The following HUNK variants were observed in gnomAD, a reference collection of about 807,000 sequenced individuals.
HUNK encodes the protein hormonally up-regulated Neu-associated kinase.
Under a neutral mutation model 61.0 loss-of-function variants are expected in HUNK, and 21 were observed. The ratio of observed to expected loss-of-function variants is 0.34; its 90% CI spans 0.24 to 0.50. The LOEUF (loss-of-function observed/expected upper bound fraction) is 0.50. Ranked by LOEUF, HUNK falls within the 20% of genes least tolerant of loss-of-function variation. The pLI is 0.98. For synonymous variants in HUNK, 371 were observed against 386.1 expected, an observed-to-expected ratio of 0.96 and a Z score of 0.46; for missense variants, 772 against 945.7, an observed-to-expected ratio of 0.82 and a Z score of 2.41.
chr21:31,982,931 G>A (rs932126213), intron 7 of HUNK, among the ~76,000 whole-genome samples: 1 of 152,162 alleles, frequency 6.6e-6, no homozygotes, highest in Admixed American at 6.5e-5. Context: ...AGCCACCTGA[G>A]TAGCTGGGAC....
intron 1 of HUNK, among the ~76,000 whole-genome samples, chr21:31,896,338 A>T (rs1308255023): frequency 1.3e-5 from 2 of 152,216 alleles, no homozygotes; most frequent in Non-Finnish European, 2.9e-5. Flanking sequence ...TCACGAGACC[A>T]CTTTCTAATG....
At chr21:31,971,997 G>A (rs1457127705) in intron 6 of HUNK, among the ~76,000 whole-genome samples, 1 of 152,008 alleles carries the variant, frequency 6.6e-6, no homozygotes. Context: ...CCAGCTAAGT[G>A]TTTCTATTTT....
At chr21:31,979,871 C>T (rs1210930639) in intron 7 of HUNK, among the ~76,000 whole-genome samples, 3 of 152,100 alleles carry the variant, frequency 2.0e-5, no homozygotes, top group Admixed American at 2.0e-4. Context: ...TATCCCATTC[C>T]ATAGATCTCT....
chr21:32,001,789 C>T lies in HUNK; in HGVS notation c.*2605C>T, dbSNP rs3578. ...CTTTGGTAAGTCCGAAGCATGTTGT[C>T]TGTTCGACCGTGACTGTCTTCCTCA... On this transcript the variant is annotated 3_prime_UTR_variant, in exon 11 of 11. Transcript: ENST00000270112. The T allele has an allele frequency of 0.62, 94,848 of 152,376 alleles. 29,546 individuals are homozygous for T. The highest frequency in any genetic ancestry group is 0.72 in the South Asian group (3,478 of 4,810). 9.4% of individuals were successfully genotyped at this position (152,376 alleles called of 1,614,324 possible).
rs368137809 is a variant in HUNK at position 31,968,397 on chromosome 21, C to T, written c.1010+12C>T. ...ACCTATCCCAACAGGTAATTTCGTG[C>T]ACCCAGAGGAACTCCTCGGGAGAGA... On this transcript the variant is annotated intron_variant, in intron 6 of 10. Transcript: ENST00000270112. The T allele has an allele frequency of 1.9e-6, 3 of 1,613,940 alleles. No homozygotes were observed. The highest frequency in any genetic ancestry group is 2.7e-5 in the African/African-American group (2 of 74,942).
chr21:31,985,323 G>A (rs911514575), intron 8 of HUNK, among the ~76,000 whole-genome samples: 13 of 152,156 alleles, frequency 8.5e-5, no homozygotes, highest in African/African-American at 2.7e-4. Context: ...GGTGCACATC[G>A]CTCTGGAAGA....
chr21:31,973,162 T>A (rs1047189634), intron 6 of HUNK, among the ~76,000 whole-genome samples: 1 of 152,142 alleles, frequency 6.6e-6, no homozygotes, highest in Non-Finnish European at 1.5e-5. Context: ...TTTATTATAC[T>A]TTTTAATTTT....
intron 4 of HUNK, among the ~76,000 whole-genome samples, chr21:31,953,376 A>G (rs1434229014): frequency 2.6e-5 from 4 of 152,008 alleles, no homozygotes; most frequent in Non-Finnish European, 5.9e-5. Flanking sequence ...CTGGGAATAT[A>G]GGCATGCACC....
chr21:31,888,305 G>A (rs1180824396), intron 1 of HUNK, among the ~76,000 whole-genome samples: 1 of 152,174 alleles, frequency 6.6e-6, no homozygotes, highest in Non-Finnish European at 1.5e-5. Context: ...AAAGCCCTGG[G>A]CGTTACTGGG....
chr21:31,875,458 C>CA (rs1158897434), intron 1 of HUNK, among the ~76,000 whole-genome samples: 1 of 151,754 alleles, frequency 6.6e-6, no homozygotes, highest in Non-Finnish European at 1.5e-5. Flanking sequence ...AATTCCCATG[C>CA]AAAAAAGGAG....
rs557796270 is a variant in HUNK at position 31,897,569 on chromosome 21, T to C, written c.261+23634T>C. 7.2e-5 allele frequency among the ~76,000 whole-genome samples: 11 copies of C among 152,324 alleles called. No homozygotes were observed. The South Asian group carries it at 2.1e-3, about 29-fold the overall frequency. On this transcript the variant is annotated intron_variant, in intron 1 of 10. Coordinates refer to ENST00000270112, the MANE Select transcript of HUNK (RefSeq NM_014586.2). ...CCATAATGACCTCATCTTAACTGGATCATCTGCAAAGACTCTATTTCCAAA... is the reference window on the plus strand; with the variant it reads ...CCATAATGACCTCATCTTAACTGGACCATCTGCAAAGACTCTATTTCCAAA...
At chr21:31,970,453 C>T (rs1288658310) in intron 6 of HUNK, among the ~76,000 whole-genome samples, 5 of 152,068 alleles carry the variant, frequency 3.3e-5, no homozygotes, top group Non-Finnish European at 7.3e-5. Context: ...AATAACAGCT[C>T]GATGTGGGCC....
At chr21:31,898,040 A>T (rs1287754576) in intron 1 of HUNK, among the ~76,000 whole-genome samples, 3 of 152,214 alleles carry the variant, frequency 2.0e-5, no homozygotes, top group Admixed American at 1.3e-4. Context: ...TACGACAGTT[A>T]TGCTGACATT....
chr21:31,938,945 G>T (rs67287435), intron 2 of HUNK, among the ~76,000 whole-genome samples: 2 of 152,032 alleles, frequency 1.3e-5, no homozygotes, highest in African/African-American at 4.8e-5. Flanking sequence ...TGATCTCATC[G>T]GTAATCTGGA....
At chr21:31,882,719 A>G (rs868487870) in intron 1 of HUNK, among the ~76,000 whole-genome samples, 12 of 152,160 alleles carry the variant, frequency 7.9e-5, no homozygotes, top group African/African-American at 1.2e-4. Flanking sequence ...TATTGCTACT[A>G]AGTATAGTCA....
chr21:31,884,083 C>A (rs1290566500), intron 1 of HUNK, among the ~76,000 whole-genome samples: 1 of 152,124 alleles, frequency 6.6e-6, no homozygotes, highest in Non-Finnish European at 1.5e-5. Context: ...GAGTCCATGT[C>A]CCATCATCTC....
intron 8 of HUNK, among the ~76,000 whole-genome samples, chr21:31,987,390 A>T (rs2053141134): frequency 6.6e-6 from 1 of 152,188 alleles, no homozygotes; most frequent in Non-Finnish European, 1.5e-5. Context: ...ATGCAAACTT[A>T]GGTGCATGGA....
At chr21:31,966,226 T>A (rs560237895) in intron 5 of HUNK, among the ~76,000 whole-genome samples, 1 of 152,336 alleles carries the variant, frequency 6.6e-6, no homozygotes, top group Non-Finnish European at 1.5e-5. Context: ...CAGGTTGCTG[T>A]GAATGCCATT....
chr21:31,969,570 CTT>C (rs1005480558), intron 6 of HUNK, among the ~76,000 whole-genome samples: 12 of 143,618 alleles, frequency 8.4e-5, no homozygotes, highest in African/African-American at 7.6e-5. Flanking sequence ...TCTCTTTTTT[CTT>C]TTTTTTTTTT....
Sources: gnomAD v4.1 joint callset for allele counts (sites outside exome capture counted in the v4.1 genomes callset) on GRCh38, gnomAD v4.1.1 for gene constraint, MANE v1.5 for transcripts, NCBI Gene and HGNC (gene_info 2026-07-23, HGNC 2026-07-21) for gene names.